PAK4: variants seen among roughly 807,000 people sequenced by gnomAD.
PAK4 encodes p21 (RAC1) activated kinase 4, also known as serine/threonine-protein kinase PAK 4.
Under a neutral mutation model 53.5 loss-of-function variants are expected in PAK4, and 49 were observed. The ratio of observed to expected loss-of-function variants is 0.92; its 90% CI spans 0.73 to 1.16. The LOEUF is 1.16. Among genes scored for constraint, PAK4 ranks in the 50% most tolerant of loss-of-function variants. The pLI, the probability that PAK4 is intolerant of heterozygous loss-of-function variation, is 0.00. For missense variants in PAK4, 824 were observed against 850.7 expected, an observed-to-expected ratio of 0.97 and a Z score of 0.39; for synonymous variants, 376 against 375.6, an observed-to-expected ratio of 1.00 and a Z score of -0.01.
At position 39,154,851 on chromosome 19, in the gene PAK4, C is replaced by G. The variant is rs60391988; in HGVS notation, c.-22-14681C>G. On this transcript the variant is annotated intron_variant, in intron 1 of 8. Transcript: ENST00000358301. ...GGCCTGAGATCTGGGACTTCTGGAT[C>G]TAGGCCCCTAGACCTGCCCTGCTGT... is the stretch of plus-strand genomic sequence containing the variant. Among the ~76,000 whole-genome samples, 1,238 of 150,300 alleles carry G rather than the reference C, an allele frequency of 8.2e-3. 25 individuals are homozygous for G. The highest frequency in any genetic ancestry group is 0.028 in the African/African-American group (1,166 of 41,188).
In PAK4 at chr19:39,173,664, C is replaced by T; in HGVS notation, c.752C>T (p.Thr251Ile). Reference sequence around the variant, plus strand: ...TCCTCCTCCTCCTCCCGGCCTCCCACCCGAGCCCGAGGTGCCCCCAGCCCT... The same window carrying T: ...TCCTCCTCCTCCTCCCGGCCTCCCATCCGAGCCCGAGGTGCCCCCAGCCCT... Residue 251 changes from threonine to isoleucine, a missense_variant, in exon 4 of 9, where the codon ACC becomes ATC. Physicochemically the swap from Thr to Ile is moderately conservative, Grantham distance 89. Transcript: ENST00000358301. This position sits in a 1 kb window ranked among gnomAD's most constrained non-coding sequence, Gnocchi z 6.9. 1 of 1,587,234 alleles carries T rather than the reference C, an allele frequency of 6.3e-7. No individual in the cohort carries two copies.
At chr19:39,137,909 G>A (rs1347863658) in intron 1 of PAK4, among the ~76,000 whole-genome samples, 1 of 151,656 alleles carries the variant, frequency 6.6e-6, no homozygotes, top group Non-Finnish European at 1.5e-5. Flanking sequence ...CTTGTGATCC[G>A]CCCACCTTGG....
chr19:39,158,230 C>T (rs374450533), intron 1 of PAK4, among the ~76,000 whole-genome samples: 5 of 151,468 alleles, frequency 3.3e-5, no homozygotes, highest in African/African-American at 9.7e-5. Context: ...CGTGTGTGTG[C>T]ATGTGTGTGC....
intron 1 of PAK4, among the ~76,000 whole-genome samples, chr19:39,134,545 A>G (rs774583069): frequency 2.0e-5 from 3 of 150,096 alleles, no homozygotes; most frequent in Non-Finnish European, 4.4e-5. Context: ...TAGGCCTGTG[A>G]GATCCATCTG....
At chr19:39,158,661 C>T (rs2074234708) in intron 1 of PAK4, among the ~76,000 whole-genome samples, 1 of 152,146 alleles carries the variant, frequency 6.6e-6, no homozygotes, top group Non-Finnish European at 1.5e-5. Context: ...TCACTGGGGG[C>T]TCTGAGCGCC....
chr19:39,149,889 A>G (rs543976808), intron 1 of PAK4, among the ~76,000 whole-genome samples: 2 of 152,146 alleles, frequency 1.3e-5, no homozygotes, highest in Non-Finnish European at 2.9e-5. Flanking sequence ...ATGTTTATGT[A>G]TATATAGAGA....
chr19:39,173,302 G>T lies in PAK4; in HGVS notation c.589G>T (p.Ala197Ser). Residue 197 changes from alanine (A) to serine (S), a missense_variant, in exon 3 of 9, where the codon GCG becomes TCG. Ala to Ser is a moderately conservative substitution (Grantham distance 99). Transcript: ENST00000358301. The surrounding 1 kb of genome is among the most constrained non-coding windows in gnomAD (Gnocchi z 6.9). ...CCAGCCTGCTGGTCTGGCCAGTGGG[G>T]CGAAACTGGCAGCTGGCCGGCCCTT... The T allele has an allele frequency of 6.2e-7, 1 of 1,600,950 alleles. No individual in the cohort carries two copies. The highest frequency in any genetic ancestry group is 8.5e-7 in the Non-Finnish European group (1 of 1,173,474).
chr19:39,174,123 C>T (rs1486409774), intron 4 of PAK4, 113 bp downstream of exon 5: 3 of 721,266 alleles, frequency 4.2e-6, no homozygotes, highest in East Asian at 5.5e-5. Flanking sequence ...AGGCTCCCCT[C>T]CTCCCCTCAC....
intron 1 of PAK4, among the ~76,000 whole-genome samples, chr19:39,162,106 C>T (rs2074294770): frequency 1.3e-5 from 2 of 152,080 alleles, no homozygotes; most frequent in Non-Finnish European, 2.9e-5. Context: ...ACTACAGGCG[C>T]CTGCCACCAC....
intron 1 of PAK4, among the ~76,000 whole-genome samples, chr19:39,128,088 C>T (rs1280334554): frequency 3.3e-5 from 5 of 152,134 alleles, no homozygotes; most frequent in Non-Finnish European, 7.4e-5. Context: ...CAGTGCTGGG[C>T]CAGAGATGCC....
chr19:39,144,072 AGAGC>A (rs2073956547), intron 1 of PAK4, among the ~76,000 whole-genome samples: 2 of 152,174 alleles, frequency 1.3e-5, no homozygotes, highest in Admixed American at 1.3e-4. Context: ...TAGATAAGAT[AGAGC>A]GAGCAAGACC....
chr19:39,130,568 A>C (rs4611580), intron 1 of PAK4, among the ~76,000 whole-genome samples: 43,821 of 152,018 alleles, frequency 0.29, 7,345 homozygotes, highest in Non-Finnish European at 0.38. Context: ...ATGGTCGAGG[A>C]TCATCAGATA....
At chr19:39,172,635 G>A (rs1006279199) in intron 2 of PAK4, among the ~76,000 whole-genome samples, 9 of 152,132 alleles carry the variant, frequency 5.9e-5, no homozygotes, top group Non-Finnish European at 7.4e-5. Context: ...TATTCCACCA[G>A]TGTGAGGAAC....
In PAK4 at chr19:39,175,315, GAA is replaced by G. The variant is rs1219464683; in HGVS notation, c.1237_1238del (p.Asn413ArgfsTer38). 6.3e-7 allele frequency: 1 copy of G among 1,578,106 alleles called. No homozygotes were observed. Among genetic ancestry groups the G allele is most frequent in the Non-Finnish European group, 8.6e-7 (1 of 1,161,634 alleles). On this transcript the variant is annotated frameshift_variant, in exon 6 of 9. Coordinates refer to ENST00000358301, the Ensembl canonical transcript of PAK4. LOFTEE classifies it high-confidence loss of function. The surrounding 1 kb of genome is among the most constrained non-coding windows in gnomAD (Gnocchi z 4.7). ...CACCCCCCACCCCACCCCGCAGGATGAACGAGGAGCAGATCGCGGCCGTGTGC... is the reference window on the plus strand; with the variant it reads ...CACCCCCCACCCCACCCCGCAGGATGCGAGGAGCAGATCGCGGCCGTGTGC...
chr19:39,156,140 C>T (rs2074176062), intron 1 of PAK4, among the ~76,000 whole-genome samples: 1 of 152,206 alleles, frequency 6.6e-6, no homozygotes, highest in Non-Finnish European at 1.5e-5. Context: ...TCTCAGATTC[C>T]TCCTCATGGG....
At chr19:39,149,176 C>T (rs752461746) in intron 1 of PAK4, among the ~76,000 whole-genome samples, 8 of 152,116 alleles carry the variant, frequency 5.3e-5, no homozygotes, top group Non-Finnish European at 1.2e-4. Context: ...AGCAGGGACT[C>T]GAACAGATAT....
Position 39,147,841 on chromosome 19 carries a change from G to GTTTTTTTTTTTTTTT in PAK4, c.-22-21681_-22-21667dup, listed in dbSNP as rs35845376. Among the ~76,000 whole-genome samples, 3 of 13,232 alleles carry GTTTTTTTTTTTTTTT rather than the reference G, an allele frequency of 2.3e-4. 1 individual carries two copies. Among genetic ancestry groups the GTTTTTTTTTTTTTTT allele is most frequent in the African/African-American group, 6.8e-4 (2 of 2,920 alleles). The allele number at this position is 13,232 out of a possible 152,430, so 8.7% of individuals were successfully genotyped here. On this transcript the variant is annotated intron_variant, in intron 1 of 8. Coordinates refer to ENST00000358301, the Ensembl canonical transcript of PAK4. ...TTCTTATTGGATTGTTTGTTTTCGG[G>GTTTTTTTTTTTTTTT]TTTTTTTTTTTTTTTTTTTTTTTTG...
At chr19:39,151,146 C>T (rs192401540) in intron 1 of PAK4, among the ~76,000 whole-genome samples, 70 of 152,226 alleles carry the variant, frequency 4.6e-4, no homozygotes, top group Admixed American at 3.0e-3. Context: ...AGGTTTTTAG[C>T]AGGAGAGGAT....
intron 1 of PAK4, among the ~76,000 whole-genome samples, chr19:39,164,287 A>G (rs2074333089): frequency 6.6e-6 from 1 of 151,756 alleles, no homozygotes; most frequent in East Asian, 1.9e-4. Flanking sequence ...CAAAAAAAAA[A>G]AAAAAAAAAA....
Sources: gnomAD v4.1 joint callset for allele counts (sites outside exome capture counted in the v4.1 genomes callset) on GRCh38, gnomAD v4.1.1 for gene constraint, Gnocchi (gnomAD v3.1) non-coding constraint, MANE v1.5 for transcripts, NCBI Gene and HGNC (gene_info 2026-07-23, HGNC 2026-07-21) for gene names.